The following CAST variants were observed in gnomAD, a reference collection of about 807,000 sequenced individuals.
CAST encodes the protein MIR583 host.
CAST carries 76 observed loss-of-function variants against 119.6 expected under a neutral mutation model. The observed-to-expected ratio is 0.64, with a 90% CI of 0.53 to 0.77. CAST has a LOEUF of 0.77. CAST is among the 30% of genes least tolerant of loss of function. The pLI, the probability that CAST is intolerant of heterozygous loss-of-function variation, is 0.00. For synonymous variants in CAST, 319 were observed against 331.6 expected, an observed-to-expected ratio of 0.96 and a Z score of 0.41; for missense variants, 953 against 946.5, an observed-to-expected ratio of 1.01 and a Z score of -0.09.
the CAST span, chr5:96,421,993 TAAAAAAAAAA>T: frequency 0.023 from 8,091 of 352,964 alleles, 5 homozygotes; most frequent in Middle Eastern, 0.03. Context: ...GTGGCAGCAT[TAAAAAAAAAA>T]AAAAAAAAAA....
At chr5:96,625,621 C>T (rs771117518) in intron 1 of CAST, among the ~76,000 whole-genome samples, 14 of 152,182 alleles carry the variant, frequency 9.2e-5, no homozygotes, top group African/African-American at 2.7e-4. Flanking sequence ...GCAAAGGTTG[C>T]TATTGTATGC....
intron 3 of CAST, among the ~76,000 whole-genome samples, chr5:96,719,841 G>A (rs1158808905): frequency 3.9e-5 from 6 of 152,142 alleles, no homozygotes; most frequent in Admixed American, 1.3e-4. Flanking sequence ...ACAGCTCGGA[G>A]GGTCCTCGTG....
chr5:96,293,333 C>A, the CAST span, among the ~76,000 whole-genome samples: 1 of 152,204 alleles, frequency 6.6e-6, no homozygotes, highest in Non-Finnish European at 1.5e-5. Flanking sequence ...GACTGGAGTG[C>A]AGTGGCACGA....
At chr5:96,748,168 A>G (rs1266332232) in intron 18 of CAST, among the ~76,000 whole-genome samples, 1 of 152,234 alleles carries the variant, frequency 6.6e-6, no homozygotes, top group African/African-American at 2.4e-5. Flanking sequence ...AGAAGTCATG[A>G]GGAAATAGGA....
the CAST span, among the ~76,000 whole-genome samples, chr5:96,449,213 C>T: frequency 6.6e-6 from 1 of 152,198 alleles, no homozygotes; most frequent in Non-Finnish European, 1.5e-5. Flanking sequence ...AGTTGTATCA[C>T]AATTCTGTAT....
chr5:96,551,631 A>C (rs1381649559), intron 1 of CAST, among the ~76,000 whole-genome samples: 3 of 152,146 alleles, frequency 2.0e-5, no homozygotes, highest in Non-Finnish European at 4.4e-5. Context: ...GGCAAATTGG[A>C]TAAAGAGTCA....
chr5:96,423,588 A>T, the CAST span: 3 of 809,344 alleles, frequency 3.7e-6, no homozygotes, highest in South Asian at 4.4e-5. Flanking sequence ...GAAGAAGCCA[A>T]TTCAGTGAAA....
the CAST span, among the ~76,000 whole-genome samples, chr5:96,262,484 T>A: frequency 7.1e-3 from 1,076 of 152,266 alleles, 11 homozygotes; most frequent in African/African-American, 0.025. Flanking sequence ...TGCTTAGGAC[T>A]GAGTAGAGGT....
chr5:96,252,506 A>G, the CAST span, among the ~76,000 whole-genome samples: 1 of 152,094 alleles, frequency 6.6e-6, no homozygotes, highest in Non-Finnish European at 1.5e-5. Flanking sequence ...AAGTGCCCAG[A>G]ATTTATACCA....
chr5:96,645,582 T>A (rs932923495), intron 1 of CAST, among the ~76,000 whole-genome samples: 1 of 152,178 alleles, frequency 6.6e-6, no homozygotes, highest in Non-Finnish European at 1.5e-5. Context: ...CTTTAAATTT[T>A]TGGATTCTAA....
chr5:96,174,745 A>G, the CAST span, among the ~76,000 whole-genome samples: 1 of 152,240 alleles, frequency 6.6e-6, no homozygotes, highest in Admixed American at 6.5e-5. Flanking sequence ...ATAAGTAAAA[A>G]TGTGTTTTTA....
chr5:96,659,141 A>G (rs1166137149), upstream of CAST, among the ~76,000 whole-genome samples: 3 of 152,248 alleles, frequency 2.0e-5, no homozygotes, highest in Non-Finnish European at 2.9e-5. Context: ...TAATTACAAT[A>G]GCAACATCAA....
chr5:96,135,333 T>A, the CAST span, among the ~76,000 whole-genome samples: 19 of 152,256 alleles, frequency 1.2e-4, no homozygotes, highest in South Asian at 3.9e-3. Context: ...GGGGTGGCAG[T>A]GAGAATGAGA....
chr5:96,298,029 T>C, the CAST span, among the ~76,000 whole-genome samples: 1 of 152,226 alleles, frequency 6.6e-6, no homozygotes, highest in Non-Finnish European at 1.5e-5. Flanking sequence ...TCTTACCACA[T>C]ATACAGATCT....
intron 1 of CAST, among the ~76,000 whole-genome samples, chr5:96,556,398 G>T (rs2570461): frequency 0.34 from 51,402 of 152,070 alleles, 9,335 homozygotes; most frequent in Middle Eastern, 0.46. Flanking sequence ...GGCTTCAGAA[G>T]ATCAAACTAC....
upstream of CAST, among the ~76,000 whole-genome samples, chr5:96,659,439 T>C (rs1051376786): frequency 2.0e-5 from 3 of 152,268 alleles, no homozygotes; most frequent in East Asian, 1.9e-4. Context: ...TACCTCCCCA[T>C]AGCAGGCATC....
At chr5:96,109,257 T>C in the CAST span, among the ~76,000 whole-genome samples, 1 of 152,222 alleles carries the variant, frequency 6.6e-6, no homozygotes, top group Non-Finnish European at 1.5e-5. Context: ...CCCAACATGC[T>C]TTCTATCAGA....
the CAST span, among the ~76,000 whole-genome samples, chr5:95,978,715 TAAG>T: frequency 8.5e-5 from 13 of 152,204 alleles, no homozygotes; most frequent in Non-Finnish European, 4.4e-5. Flanking sequence ...ACTGAAACTA[TAAG>T]AAGGAGTTTT....
At chr5:96,585,489 A>G (rs7735823) in intron 1 of CAST, among the ~76,000 whole-genome samples, 50 of 152,164 alleles carry the variant, frequency 3.3e-4, no homozygotes, top group African/African-American at 1.2e-3. Flanking sequence ...GATCTCATCT[A>G]TACTAAAACT....
Sources: allele counts gnomAD v4.1 joint callset (sites outside exome capture counted in the v4.1 genomes callset), GRCh38; gene constraint gnomAD v4.1.1; transcripts MANE v1.5; gene names NCBI Gene and HGNC (gene_info 2026-07-23, HGNC 2026-07-21).